The following GABRR2 variants were observed in gnomAD, a reference collection of about 807,000 sequenced individuals.
GABRR2 encodes gamma-aminobutyric acid type A receptor subunit rho2.
GABRR2 carries 36 observed loss-of-function variants against 47.0 expected under a neutral mutation model. The ratio of observed to expected loss-of-function variants is 0.77; its 90% CI spans 0.59 to 1.01. GABRR2 has a LOEUF of 1.01. Ranked by LOEUF, GABRR2 falls within the 50% of genes least tolerant of loss-of-function variation. The pLI is 0.00. For synonymous variants in GABRR2, 204 were observed against 227.5 expected, an observed-to-expected ratio of 0.90 and a Z score of 0.93; for missense variants, 587 against 594.6, an observed-to-expected ratio of 0.99 and a Z score of 0.13.
chr6:89,276,739 A>C (rs1405917466), intron 2 of GABRR2, among the ~76,000 whole-genome samples: 1 of 152,248 alleles, frequency 6.6e-6, no homozygotes, highest in African/African-American at 2.4e-5. Flanking sequence ...AAATTTAAAA[A>C]TCGTAGATAA....
chr6:89,278,569 G>A (rs1774205864), intron 2 of GABRR2, among the ~76,000 whole-genome samples: 2 of 152,242 alleles, frequency 1.3e-5, no homozygotes, highest in Admixed American at 1.3e-4. Flanking sequence ...ACCGACTAGG[G>A]TCTCAACTTA....
chr6:89,263,104 T>C (rs1480254670), intron 8 of GABRR2, among the ~76,000 whole-genome samples: 1 of 152,192 alleles, frequency 6.6e-6, no homozygotes, highest in East Asian at 1.9e-4. Flanking sequence ...TAGATTTTCT[T>C]CCACCTCTGC....
intron 1 of GABRR2, among the ~76,000 whole-genome samples, chr6:89,311,440 T>C (rs1375699491): frequency 6.6e-6 from 1 of 152,190 alleles, no homozygotes; most frequent in East Asian, 1.9e-4. Context: ...AGCCTTGGGC[T>C]ATTTGTATGA....
chr6:89,306,696 A>G (rs1767564774), intron 1 of GABRR2, among the ~76,000 whole-genome samples: 1 of 152,204 alleles, frequency 6.6e-6, no homozygotes, highest in East Asian at 1.9e-4. Context: ...CACTCTTTCC[A>G]GATCATTTTC....
At chr6:89,292,666 A>T (rs1309756374) in intron 2 of GABRR2, among the ~76,000 whole-genome samples, 2 of 144,360 alleles carry the variant, frequency 1.4e-5, no homozygotes, top group African/African-American at 5.1e-5. Context: ...TCAGATATAT[A>T]TCGTATCTCT....
chr6:89,305,807 G>T (rs1767548764), intron 1 of GABRR2, among the ~76,000 whole-genome samples: 1 of 152,088 alleles, frequency 6.6e-6, no homozygotes, highest in East Asian at 1.9e-4. Context: ...GAGTGTGGAG[G>T]GTGGGAGGAG....
intron 1 of GABRR2, among the ~76,000 whole-genome samples, chr6:89,308,011 C>T (rs1397783374): frequency 6.6e-6 from 1 of 152,124 alleles, no homozygotes; most frequent in South Asian, 2.1e-4. Flanking sequence ...GAGACGGGAC[C>T]ACCATGTTGG....
rs533094090 is a variant in GABRR2, at chr6:89,279,186, C to T, written c.221-7464G>A. On this transcript the variant is annotated intron_variant, in intron 2 of 8. Transcript: ENST00000402938. ...CCTGGCCCTGCATCCCCTCTCTGGTCCTTCATGCCACCCACAGCTGCTCCT... is the reference window on the plus strand; with the variant it reads ...CCTGGCCCTGCATCCCCTCTCTGGTTCTTCATGCCACCCACAGCTGCTCCT... 3.9e-5 allele frequency among the ~76,000 whole-genome samples: 6 copies of T among 152,328 alleles called. No homozygotes were observed. In the East Asian group the frequency reaches 1.2e-3, roughly 29 times the overall value.
chr6:89,292,122 A>G (rs1175757465), intron 2 of GABRR2, among the ~76,000 whole-genome samples: 4 of 152,096 alleles, frequency 2.6e-5, no homozygotes, highest in African/African-American at 9.7e-5. Flanking sequence ...TTATGAAAAA[A>G]ATCATTTTGG....
intron 8 of GABRR2, among the ~76,000 whole-genome samples, chr6:89,259,156 A>G (rs1773680649): frequency 6.6e-6 from 1 of 152,054 alleles, no homozygotes; most frequent in African/African-American, 2.4e-5. Flanking sequence ...GTGTTGACTG[A>G]GAGCAGGAGG....
intron 1 of GABRR2, among the ~76,000 whole-genome samples, chr6:89,312,298 C>T (rs573666095): frequency 3.3e-5 from 5 of 152,238 alleles, no homozygotes; most frequent in Non-Finnish European, 5.9e-5. Context: ...AACAGACTCA[C>T]TCTGCAGCCA....
intron 1 of GABRR2, among the ~76,000 whole-genome samples, chr6:89,300,789 C>T (rs1196958731): frequency 1.4e-5 from 2 of 138,220 alleles, no homozygotes; most frequent in African/African-American, 5.3e-5. Context: ...GATATATTCA[C>T]AGCCAAATTC....
At chr6:89,309,973 A>T (rs1446033906) in intron 1 of GABRR2, among the ~76,000 whole-genome samples, 2 of 141,644 alleles carry the variant, frequency 1.4e-5, no homozygotes, top group Non-Finnish European at 3.0e-5. Context: ...TTGTAGAGAC[A>T]GGGTCTCACT....
At chr6:89,273,467 A>C (rs894250557) in intron 2 of GABRR2, among the ~76,000 whole-genome samples, 1 of 152,174 alleles carries the variant, frequency 6.6e-6, no homozygotes, top group African/African-American at 2.4e-5. Flanking sequence ...ACTCCTGACC[A>C]AAAGTGATCC....
intron 2 of GABRR2, among the ~76,000 whole-genome samples, chr6:89,272,608 A>G (rs959381155): frequency 2.6e-5 from 4 of 152,178 alleles, no homozygotes; most frequent in African/African-American, 9.7e-5. Flanking sequence ...ATGCCATTAC[A>G]CTGCAAGTCA....
At chr6:89,308,947 C>A (rs1767623909) in intron 1 of GABRR2, among the ~76,000 whole-genome samples, 1 of 152,132 alleles carries the variant, frequency 6.6e-6, no homozygotes, top group South Asian at 2.1e-4. Context: ...GACGATAAAC[C>A]AGTGGACAGA....
chr6:89,275,460 G>A (rs1312352951), intron 2 of GABRR2, among the ~76,000 whole-genome samples: 2 of 152,106 alleles, frequency 1.3e-5, no homozygotes, highest in African/African-American at 4.8e-5. Flanking sequence ...TTTTAGTAGA[G>A]ATGGAGTTTC....
intron 1 of GABRR2, chr6:89,302,131 G>A (rs1018712706): frequency 3.3e-6 from 2 of 601,586 alleles, no homozygotes; most frequent in South Asian, 3.2e-5. Context: ...ATTCCCTCCT[G>A]GATGTGCGGA....
chr6:89,265,138 A>G (rs190457675), intron 7 of GABRR2, among the ~76,000 whole-genome samples: 109 of 152,170 alleles, frequency 7.2e-4, no homozygotes, highest in African/African-American at 2.6e-3. Context: ...CATGTTGTAA[A>G]CTTTCACTCT....
Sources: gnomAD v4.1 joint callset for allele counts (sites outside exome capture counted in the v4.1 genomes callset) on GRCh38, gnomAD v4.1.1 for gene constraint, MANE v1.5 for transcripts, NCBI Gene and HGNC (gene_info 2026-07-23, HGNC 2026-07-21) for gene names.